The following RBFOX1 variants were observed in gnomAD, a reference collection of about 807,000 sequenced individuals.
RBFOX1 encodes RNA binding fox-1 homolog 1, also known as RNA binding protein fox-1 homolog 1.
Under a neutral mutation model 57.7 loss-of-function variants are expected in RBFOX1, and 8 were observed. That is an observed-to-expected ratio of 0.14 (90% CI 0.08 to 0.25). RBFOX1 has a LOEUF of 0.25. Ranked by LOEUF, RBFOX1 falls within the 10% of genes least tolerant of loss-of-function variation. The pLI is 1.00. For synonymous variants in RBFOX1, 326 were observed against 222.4 expected, an observed-to-expected ratio of 1.47 and a Z score of -4.15; for missense variants, 611 against 548.5, an observed-to-expected ratio of 1.11 and a Z score of -1.14.
chr16:7,132,948 C>G (rs1442247955), intron 4 of RBFOX1, among the ~76,000 whole-genome samples: 1 of 152,142 alleles, frequency 6.6e-6, no homozygotes, highest in African/African-American at 2.4e-5. Flanking sequence ...ACTTGTGATT[C>G]TGATGAAACT....
intron 2 of RBFOX1, among the ~76,000 whole-genome samples, chr16:6,629,214 C>T (rs1277876504): frequency 2.6e-5 from 4 of 152,210 alleles, no homozygotes; most frequent in Admixed American, 2.0e-4. Context: ...GGAAGTTCTT[C>T]TGTATTTGGC....
chr16:5,359,851 G>A (rs369651430), intron 1 of RBFOX1, among the ~76,000 whole-genome samples: 6 of 152,246 alleles, frequency 3.9e-5, no homozygotes, highest in South Asian at 4.1e-4. Flanking sequence ...CTGGTCCTCC[G>A]CTTTCTCACT....
chr16:6,948,330 A>C (rs919589987), intron 3 of RBFOX1, among the ~76,000 whole-genome samples: 2 of 151,168 alleles, frequency 1.3e-5, no homozygotes, highest in Non-Finnish European at 1.5e-5. Flanking sequence ...TAATGGAAAC[A>C]AACTCTGACA....
intron 3 of RBFOX1, among the ~76,000 whole-genome samples, chr16:6,927,414 CAAA>C (rs1194663760): frequency 3.5e-3 from 184 of 53,140 alleles, no homozygotes; most frequent in Non-Finnish European, 4.4e-3. Flanking sequence ...CGCTTTCTCA[CAAA>C]AAAAAAAAAA....
Position 7,710,885 on chromosome 16 carries a change from A to AT in RBFOX1, c.*146dup, listed in dbSNP as rs1271627919. ...ACAAATAAAAAGGAAAAAAAATTACATTTTTTATCTTATACCTCAGATATT... is the reference window on the plus strand; with the variant it reads ...ACAAATAAAAAGGAAAAAAAATTACATTTTTTTATCTTATACCTCAGATATT... On this transcript the variant is annotated 3_prime_UTR_variant, in exon 16 of 16. Transcript: ENST00000550418. The AT allele has an allele frequency of 3.3e-6, 3 of 901,108 alleles. No homozygotes were observed. Among genetic ancestry groups the AT allele is most frequent in the African/African-American group, 1.7e-5 (1 of 57,166 alleles). The allele number at this position is 901,108 out of a possible 1,614,324, so 55.8% of individuals were successfully genotyped here.
intron 4 of RBFOX1, among the ~76,000 whole-genome samples, chr16:5,902,549 G>A (rs1029583927): frequency 6.6e-6 from 1 of 152,164 alleles, no homozygotes; most frequent in Admixed American, 6.5e-5. Context: ...CCGAGTAGCT[G>A]GGATTGCAGG....
chr16:7,287,858 A>C (rs1394585556), intron 4 of RBFOX1, among the ~76,000 whole-genome samples: 1 of 151,996 alleles, frequency 6.6e-6, no homozygotes, highest in Non-Finnish European at 1.5e-5. Context: ...ACCTTCCCCC[A>C]CCCATTTCGT....
chr16:6,609,334 C>A (rs1008549307), intron 2 of RBFOX1, among the ~76,000 whole-genome samples: 2 of 151,950 alleles, frequency 1.3e-5, no homozygotes, highest in African/African-American at 4.8e-5. Flanking sequence ...AAATGATTTT[C>A]TTTTTTCTCT....
chr16:6,259,999 C>T (rs1008862771), intron 1 of RBFOX1, among the ~76,000 whole-genome samples: 6 of 151,854 alleles, frequency 4.0e-5, no homozygotes, highest in Non-Finnish European at 8.8e-5. Flanking sequence ...AGTCCATTCC[C>T]ACTTTCAAAT....
intron 1 of RBFOX1, among the ~76,000 whole-genome samples, chr16:6,131,431 C>G (rs571129732): frequency 6.6e-6 from 1 of 152,190 alleles, no homozygotes; most frequent in African/African-American, 2.4e-5. Flanking sequence ...TATTTATGAT[C>G]TAGCCCTTTC....
intron 4 of RBFOX1, among the ~76,000 whole-genome samples, chr16:7,328,291 C>T: frequency 6.6e-6 from 1 of 151,852 alleles, no homozygotes; most frequent in East Asian, 1.9e-4. Flanking sequence ...ACAATCCTGG[C>T]CAACGTGGTG....
chr16:6,338,821 A>G lies in RBFOX1; in HGVS notation c.-64+21764A>G, dbSNP rs868603159. 3.9e-5 allele frequency among the ~76,000 whole-genome samples: 6 copies of G among 152,250 alleles called. No homozygotes were observed. The South Asian group carries it at 6.2e-4, about 16-fold the overall frequency. On this transcript the variant is annotated intron_variant, in intron 2 of 15. Transcript: ENST00000550418. ...TACGGAACAATTTGAACCTGTAGAA[A>G]TGTATCCAAAGGAACTTAATCTTTT... is the stretch of plus-strand genomic sequence containing the variant.
intron 3 of RBFOX1, among the ~76,000 whole-genome samples, chr16:6,820,889 T>G (rs1307368281): frequency 6.6e-6 from 1 of 152,192 alleles, no homozygotes. Flanking sequence ...TTTCATCCTT[T>G]GTCATCCTTA....
chr16:6,899,555 CA>C (rs1328601366), intron 3 of RBFOX1, among the ~76,000 whole-genome samples: 1 of 152,206 alleles, frequency 6.6e-6, no homozygotes, highest in African/African-American at 2.4e-5. Context: ...ATGTAGATTA[CA>C]ACTCCATCTC....
chr16:5,360,023 T>C (rs181933094), intron 1 of RBFOX1, among the ~76,000 whole-genome samples: 1 of 152,342 alleles, frequency 6.6e-6, no homozygotes, highest in East Asian at 1.9e-4. Flanking sequence ...TAGTAAGATG[T>C]CCTCTCATGA....
At chr16:5,657,708 TTC>T (rs1370682993) in intron 3 of RBFOX1, among the ~76,000 whole-genome samples, 2 of 145,964 alleles carry the variant, frequency 1.4e-5, no homozygotes, top group Non-Finnish European at 3.0e-5. Context: ...CCTTCTGTCT[TTC>T]TCTCTTTCTT....
intron 4 of RBFOX1, among the ~76,000 whole-genome samples, chr16:7,423,741 T>A (rs1262842355): frequency 6.6e-6 from 1 of 152,198 alleles, no homozygotes; most frequent in African/African-American, 2.4e-5. Context: ...CATTATGTAT[T>A]GCACACCTCT....
At chr16:7,098,449 C>T (rs1415284917) in intron 4 of RBFOX1, among the ~76,000 whole-genome samples, 1 of 152,232 alleles carries the variant, frequency 6.6e-6, no homozygotes, top group Non-Finnish European at 1.5e-5. Flanking sequence ...AGATTACAGG[C>T]ATGAGCTACT....
At position 7,108,280 on chromosome 16, in the gene RBFOX1, C is replaced by A. The variant is rs1179442268; in HGVS notation, c.27+56182C>A. Among the ~76,000 whole-genome samples, 3 of 152,190 alleles carry A rather than the reference C, an allele frequency of 2.0e-5. No homozygotes were observed. In the East Asian group the frequency reaches 5.8e-4, roughly 29 times the overall value. On this transcript the variant is annotated intron_variant, in intron 4 of 15. Coordinates refer to ENST00000550418, the MANE Select transcript of RBFOX1 (RefSeq NM_018723.4). ...GGGAACTGGTATTCAGGGAGCTCAA[C>A]ATATATGCTCACAATCTCCCCATTA...
Sources: allele counts gnomAD v4.1 joint callset (sites outside exome capture counted in the v4.1 genomes callset), GRCh38; gene constraint gnomAD v4.1.1; transcripts MANE v1.5; gene names NCBI Gene and HGNC (gene_info 2026-07-23, HGNC 2026-07-21).